The following ERBB4 variants were observed in gnomAD, a reference collection of about 807,000 sequenced individuals.
ERBB4 encodes the protein receptor tyrosine-protein kinase erbB-4.
ERBB4 carries 42 observed loss-of-function variants against 158.0 expected under a neutral mutation model. That is an observed-to-expected ratio of 0.27 (90% CI 0.21 to 0.34). The LOEUF is 0.34. Among genes scored for constraint, ERBB4 ranks in the 10% least tolerant of loss-of-function variants. The pLI, the probability that ERBB4 is intolerant of heterozygous loss-of-function variation, is 1.00. For synonymous variants in ERBB4, 583 were observed against 558.7 expected (o/e 1.04, Z -0.61); for missense variants, 1,333 against 1,624.1 (o/e 0.82, Z 3.08).
chr2:211,985,445 G>C (rs1464965255), intron 2 of ERBB4, among the ~76,000 whole-genome samples: 1 of 152,138 alleles, frequency 6.6e-6, no homozygotes, highest in Non-Finnish European at 1.5e-5. Flanking sequence ...GCCTAAGATT[G>C]CTTTCTAGAA....
At chr2:211,477,791 G>T (rs536163583) in intron 20 of ERBB4, among the ~76,000 whole-genome samples, 13 of 152,196 alleles carry the variant, frequency 8.5e-5, no homozygotes, top group Admixed American at 2.6e-4. Context: ...AAGTTCAAAA[G>T]TAACTTATTA....
chr2:211,724,140 C>T (rs574375497), intron 6 of ERBB4, among the ~76,000 whole-genome samples: 1 of 152,266 alleles, frequency 6.6e-6, no homozygotes, highest in East Asian at 1.9e-4. Flanking sequence ...CAGTTCAAGA[C>T]CTACTGAGTA....
chr2:212,060,448 T>G (rs1181099869), intron 2 of ERBB4, among the ~76,000 whole-genome samples: 1 of 151,156 alleles, frequency 6.6e-6, no homozygotes, highest in African/African-American at 2.4e-5. Flanking sequence ...GACCCAGCCA[T>G]CCCATTACTG....
At chr2:212,516,409 T>C (rs1316623758) in intron 1 of ERBB4, among the ~76,000 whole-genome samples, 1 of 152,070 alleles carries the variant, frequency 6.6e-6, no homozygotes, top group East Asian at 1.9e-4. Flanking sequence ...AGTAATTCTT[T>C]GGGCAGTAGA....
chr2:211,436,176 TATC>T (rs2063849103), intron 20 of ERBB4, among the ~76,000 whole-genome samples: 1 of 152,214 alleles, frequency 6.6e-6, no homozygotes. Context: ...AAAAAACTAT[TATC>T]TGGTGTTTCT....
chr2:212,313,352 G>A (rs2087130468), intron 1 of ERBB4, among the ~76,000 whole-genome samples: 1 of 150,696 alleles, frequency 6.6e-6, no homozygotes, highest in South Asian at 2.1e-4. Context: ...AATTTATTCT[G>A]CCTACATGGG....
intron 2 of ERBB4, among the ~76,000 whole-genome samples, chr2:211,980,512 T>C (rs2081759325): frequency 6.6e-6 from 1 of 152,184 alleles, no homozygotes; most frequent in Non-Finnish European, 1.5e-5. Flanking sequence ...ATTTCTGTTC[T>C]AAAGGCTGTT....
rs375975730 is a variant in ERBB4 at position 211,426,998 on chromosome 2, A to G, written c.2719+1410T>C. Among the ~76,000 whole-genome samples, 18 of 152,186 alleles carry G rather than the reference A, an allele frequency of 1.2e-4. No homozygotes were observed. In the East Asian group the frequency reaches 2.9e-3, roughly 24 times the overall value. On this transcript the variant is annotated intron_variant, in intron 22 of 27. Transcript: ENST00000342788. ...CAAGTAAGTTTTGTCAAGCATTTCC[A>G]CTACATTTGTCTATACCTCAGACAC...
chr2:212,526,815 G>T (rs1417162516), intron 1 of ERBB4, among the ~76,000 whole-genome samples: 1 of 151,986 alleles, frequency 6.6e-6, no homozygotes, highest in Non-Finnish European at 1.5e-5. Flanking sequence ...GATGTTAATT[G>T]TCTCCCCACC....
chr2:212,304,704 C>A (rs535518092), intron 1 of ERBB4, among the ~76,000 whole-genome samples: 2 of 151,432 alleles, frequency 1.3e-5, no homozygotes, highest in African/African-American at 4.8e-5. Context: ...CCATTTTCCA[C>A]CCTGTAAGGT....
At chr2:212,110,867 ACT>A (rs3037314) in intron 2 of ERBB4, among the ~76,000 whole-genome samples, 78,778 of 151,832 alleles carry the variant, frequency 0.52, 21,107 homozygotes, top group Non-Finnish European at 0.59. Flanking sequence ...GAATCTGATT[ACT>A]GTTTGAAATA....
At chr2:211,795,177 T>G (rs1211004707) in intron 3 of ERBB4, among the ~76,000 whole-genome samples, 1 of 151,628 alleles carries the variant, frequency 6.6e-6, no homozygotes, top group African/African-American at 2.4e-5. Context: ...GAGAGACAGG[T>G]GGTAGGGGAG....
intron 1 of ERBB4, among the ~76,000 whole-genome samples, chr2:212,201,149 T>C (rs1362759439): frequency 6.6e-6 from 1 of 152,184 alleles, no homozygotes; most frequent in African/African-American, 2.4e-5. Context: ...ATGCAAGTTT[T>C]CCTTCTTTTA....
intron 1 of ERBB4, among the ~76,000 whole-genome samples, chr2:212,370,799 A>G (rs892448357): frequency 6.6e-6 from 1 of 152,168 alleles, no homozygotes; most frequent in Non-Finnish European, 1.5e-5. Flanking sequence ...AGTTTTAACC[A>G]TAATGTCAAT....
chr2:212,354,198 G>T (rs929626777), intron 1 of ERBB4, among the ~76,000 whole-genome samples: 2 of 151,968 alleles, frequency 1.3e-5, no homozygotes, highest in African/African-American at 4.8e-5. Context: ...CATAATTATT[G>T]TATAAGTGAG....
chr2:211,555,230 G>A (rs999614905), intron 20 of ERBB4, among the ~76,000 whole-genome samples: 10 of 152,040 alleles, frequency 6.6e-5, no homozygotes, highest in Non-Finnish European at 1.3e-4. Context: ...TTGTTGCCCA[G>A]GCTGGAGTGC....
intron 2 of ERBB4, among the ~76,000 whole-genome samples, chr2:211,971,364 C>G (rs866629964): frequency 6.6e-6 from 1 of 152,018 alleles, no homozygotes; most frequent in Non-Finnish European, 1.5e-5. Context: ...CAGGAAGAAA[C>G]TGAATCCATG....
chr2:211,905,303 C>T (rs1450830801), intron 3 of ERBB4, among the ~76,000 whole-genome samples: 6 of 151,990 alleles, frequency 3.9e-5, no homozygotes, highest in Non-Finnish European at 5.9e-5. Flanking sequence ...ACTCTGTTCT[C>T]CCCTTCTGCC....
chr2:211,516,205 T>A (rs957396493), intron 20 of ERBB4, among the ~76,000 whole-genome samples: 3 of 151,826 alleles, frequency 2.0e-5, no homozygotes, highest in African/African-American at 7.3e-5. Flanking sequence ...CGTGAGCCAC[T>A]GCGCCCGGCC....
Sources: allele counts gnomAD v4.1 joint callset (sites outside exome capture counted in the v4.1 genomes callset), GRCh38; gene constraint gnomAD v4.1.1; transcripts MANE v1.5; gene names NCBI Gene and HGNC (gene_info 2026-07-23, HGNC 2026-07-21).